The following KIF11 variants were observed in gnomAD, a reference collection of about 807,000 sequenced individuals.
KIF11 encodes the protein kinesin-like protein KIF11.
A neutral mutation model predicts 121.0 loss-of-function variants in KIF11; 9 were observed. The observed-to-expected ratio is 0.07, with a 90% CI of 0.04 to 0.13. The LOEUF (loss-of-function observed/expected upper bound fraction) is 0.13. Ranked by LOEUF, KIF11 falls within the 10% of genes least tolerant of loss-of-function variation. The probability of loss-of-function intolerance (pLI) is 1.00; values close to 1 mark genes in which losing one functional copy is unlikely to be tolerated. For synonymous variants in KIF11, 408 were observed against 421.0 expected, an observed-to-expected ratio of 0.97 and a Z score of 0.38; for missense variants, 846 against 1,217.5, an observed-to-expected ratio of 0.69 and a Z score of 4.54.
chr10:92,637,306 T>C lies in KIF11; in HGVS notation c.1998T>C (p.Asp666=), dbSNP rs767803287. 6.3e-7 allele frequency: 1 copy of C among 1,593,580 alleles called. No individual in the cohort carries two copies. The highest frequency in any genetic ancestry group is 8.5e-7 in the Non-Finnish European group (1 of 1,175,630). The change falls in exon 15 of 22, where the codon GAT becomes GAC. Residue 666 remains aspartate (D), a synonymous_variant. Coordinates refer to ENST00000260731, the MANE Select transcript of KIF11 (RefSeq NM_004523.4). The part of the protein sequence containing the change: ...HIFKTSLTVA[D]KIEDQKKELD... ...TCAAGACTTCATTGACAGTGGCCGATAAGGTAACAAATGCTATGTTCTTAA... is the reference window on the plus strand; with the variant it reads ...TCAAGACTTCATTGACAGTGGCCGACAAGGTAACAAATGCTATGTTCTTAA...
chr10:92,637,111 GAT>G (rs1745621879), intron 14 of KIF11, 71 bp from the exon 15 acceptor site: 2 of 1,088,068 alleles, frequency 1.8e-6, no homozygotes, highest in South Asian at 3.1e-5. Flanking sequence ...AAGTATTTAA[GAT>G]ATCATTTAGA....
chr10:92,608,638 C>CAACACGGTTG (rs1844457416), intron 4 of KIF11, among the ~76,000 whole-genome samples: 1 of 152,114 alleles, frequency 6.6e-6, no homozygotes, highest in Admixed American at 6.6e-5. Context: ...GGGGTTTCAC[C>CAACACGGTTG]GTGTTGGCCG....
rs905904981 is a variant in KIF11 at position 92,654,541 on chromosome 10, G to A, written c.*745G>A. ...GACTTCCCTATTTCGCTTTCTCCTC[G>A]GCTCACTTTCTCCCTTTTTATTTTT... On this transcript the variant is annotated 3_prime_UTR_variant, in exon 22 of 22. Transcript: ENST00000260731. 6.6e-6 allele frequency: 1 copy of A among 151,556 alleles called. No homozygotes were observed. Among genetic ancestry groups the A allele is most frequent in the South Asian group, 2.1e-4 (1 of 4,784 alleles). 9.4% of individuals were successfully genotyped at this position (151,556 alleles called of 1,614,324 possible).
At chr10:92,639,767 T>C in intron 16 of KIF11, 27 bp from the exon 17 acceptor site, 1 of 1,348,132 alleles carries the variant, frequency 7.4e-7, no homozygotes, top group Non-Finnish European at 1.0e-6. Context: ...ATTTTAAGTC[T>C]CTTCACTTCC....
intron 21 of KIF11, among the ~76,000 whole-genome samples, chr10:92,651,256 G>A (rs956824556): frequency 4.6e-5 from 7 of 151,858 alleles, no homozygotes; most frequent in Non-Finnish European, 8.8e-5. Context: ...TCAAACTCCT[G>A]ACCTCAAGTT....
At chr10:92,640,729 T>C (rs1280475033) in intron 17 of KIF11, among the ~76,000 whole-genome samples, 1 of 147,570 alleles carries the variant, frequency 6.8e-6, no homozygotes. Context: ...CACGCCCGGC[T>C]CTGTTTTGTT....
At chr10:92,653,522 C>T (rs1204761640) in intron 21 of KIF11, 143 bp from the exon 22 acceptor site, 4 of 643,970 alleles carry the variant, frequency 6.2e-6, no homozygotes, top group Non-Finnish European at 1.0e-5. Context: ...AAATTGTTGG[C>T]TCAAACTTGT....
At chr10:92,615,879 G>A (rs1322583837) in intron 8 of KIF11, among the ~76,000 whole-genome samples, 2 of 135,266 alleles carry the variant, frequency 1.5e-5, no homozygotes, top group Non-Finnish European at 1.5e-5. Context: ...TCGCTCTGTT[G>A]CCTAGGCTGG....
intron 10 of KIF11, among the ~76,000 whole-genome samples, chr10:92,624,772 G>GT (rs1297187722): frequency 0.02 from 2,668 of 134,704 alleles, 36 homozygotes; most frequent in African/African-American, 0.052. Flanking sequence ...TGTGTGTGTG[G>GT]TTTTTTTTTT....
chr10:92,650,136 T>A, intron 20 of KIF11, 150 bp downstream of exon 20: 1 of 633,524 alleles, frequency 1.6e-6, no homozygotes, highest in Non-Finnish European at 2.7e-6. Context: ...TTTCTTTTAA[T>A]CTTACTAGTT....
chr10:92,626,179 G>C (rs1479764045), intron 10 of KIF11, among the ~76,000 whole-genome samples: 1 of 152,114 alleles, frequency 6.6e-6, no homozygotes, highest in East Asian at 1.9e-4. Flanking sequence ...CTATACTACA[G>C]GGCTACAGTA....
Position 92,609,266 on chromosome 10 carries a change from CAGAGAGAGAG to C in KIF11, c.573+90_574-81del, listed in dbSNP as rs3835295. 11,378 of 742,492 alleles carry C rather than the reference CAGAGAGAGAG, an allele frequency of 0.015. 97 individuals carry two copies. Among genetic ancestry groups the C allele is most frequent in the African/African-American group, 0.044 (2,267 of 51,376 alleles). 46.0% of individuals were successfully genotyped at this position (742,492 alleles called of 1,614,324 possible). On this transcript the variant is annotated intron_variant, in intron 5 of 21. Transcript: ENST00000260731. ...TTTAATGTGTGAGGCTTTGAGAAGT[CAGAGAGAGAG>C]AGAGAGAGAGAGAGAGAGAGAGAGA...
rs1344654473 is a variant in KIF11 at position 92,633,815 on chromosome 10, T to C, written c.1875+20T>C. The C allele has an allele frequency of 6.8e-7, 1 of 1,477,370 alleles. No individual in the cohort carries two copies. Among genetic ancestry groups the C allele is most frequent in the African/African-American group, 1.4e-5 (1 of 70,750 alleles). The allele number at this position is 1,477,370 out of a possible 1,614,324, so 91.5% of individuals were successfully genotyped here. ...TTGATTGTTAGTACATCCTTTAAAA[T>C]ATTTTTGAAGGGTTGCATTTGATAA... On this transcript the variant is annotated intron_variant, in intron 14 of 21. Transcript: ENST00000260731.
chr10:92,640,903 T>A (rs963210843), intron 17 of KIF11, among the ~76,000 whole-genome samples: 1 of 152,110 alleles, frequency 6.6e-6, no homozygotes, highest in African/African-American at 2.4e-5. Flanking sequence ...CATACCACCA[T>A]GCCTGGCTAA....
At chr10:92,637,602 A>G (rs1384830670) in intron 16 of KIF11, 57 bp downstream of exon 16, 1 of 1,495,402 alleles carries the variant, frequency 6.7e-7, no homozygotes, top group South Asian at 1.3e-5. Context: ...ATGATTTGAT[A>G]TGACTTGATA....
At chr10:92,637,345 A>G in intron 15 of KIF11, 36 bp downstream of exon 15, 2 of 1,580,300 alleles carry the variant, frequency 1.3e-6, no homozygotes, top group Non-Finnish European at 8.5e-7. Context: ...CTCAAAATTG[A>G]TGTGTTGTTT....
chr10:92,603,269 T>TTTC (rs1844394552), intron 1 of KIF11, among the ~76,000 whole-genome samples: 3 of 144,142 alleles, frequency 2.1e-5, no homozygotes, highest in Admixed American at 1.4e-4. Flanking sequence ...TTTTCTTTTT[T>TTTC]TTTTTTTTTT....
intron 1 of KIF11, among the ~76,000 whole-genome samples, chr10:92,600,243 T>G (rs1219546636): frequency 6.6e-6 from 1 of 152,034 alleles, no homozygotes; most frequent in Non-Finnish European, 1.5e-5. Flanking sequence ...GACCTCGTGA[T>G]CCGCCCGCTT....
At chr10:92,640,454 C>T (rs954983697) in intron 17 of KIF11, among the ~76,000 whole-genome samples, 3 of 152,164 alleles carry the variant, frequency 2.0e-5, no homozygotes, top group African/African-American at 4.8e-5. Context: ...GTTTTTGCGA[C>T]GGAGTCTTGC....
Sources: gnomAD v4.1 joint callset for allele counts (sites outside exome capture counted in the v4.1 genomes callset) on GRCh38, gnomAD v4.1.1 for gene constraint, MANE v1.5 for transcripts, NCBI Gene and HGNC (gene_info 2026-07-23, HGNC 2026-07-21) for gene names.